Variants in SENP7 observed in about 807,000 individuals in gnomAD.
SENP7 encodes SUMO specific peptidase 7, also known as sentrin-specific protease 7.
A neutral mutation model predicts 141.2 loss-of-function variants in SENP7; 64 were observed. That is an observed-to-expected ratio of 0.45 (90% CI 0.37 to 0.56). The LOEUF (loss-of-function observed/expected upper bound fraction) is 0.56, where lower values mean the gene tolerates loss of function less well. Among genes scored for constraint, SENP7 ranks in the 20% least tolerant of loss-of-function variants. The pLI is 0.00. For missense variants in SENP7, 1,025 were observed against 1,212.2 expected, an observed-to-expected ratio of 0.85 and a Z score of 2.29; for synonymous variants, 382 against 426.4, an observed-to-expected ratio of 0.90 and a Z score of 1.28.
intron 3 of SENP7, among the ~76,000 whole-genome samples, chr3:101,461,018 G>A (rs2063527355): frequency 1.3e-5 from 2 of 151,482 alleles, no homozygotes; most frequent in African/African-American, 4.8e-5. Context: ...GTTTTTAATG[G>A]GCAAAGAATG....
At chr3:101,327,905 C>T in intron 22 of SENP7, 89 bp from the exon 23 acceptor site, 1 of 1,122,456 alleles carries the variant, frequency 8.9e-7, no homozygotes, top group South Asian at 1.7e-5. Context: ...ACATTTGTTG[C>T]CAGATGTGCT....
At chr3:101,480,374 T>G (rs2064418390) in intron 3 of SENP7, among the ~76,000 whole-genome samples, 2 of 152,150 alleles carry the variant, frequency 1.3e-5, no homozygotes, top group Non-Finnish European at 2.9e-5. Flanking sequence ...TCCACGTATT[T>G]AAAGTAAAAT....
chr3:101,341,908 T>C (rs2059336917), intron 14 of SENP7, 129 bp from the exon 15 acceptor site: 2 of 927,874 alleles, frequency 2.2e-6, no homozygotes, highest in Non-Finnish European at 3.0e-6. Context: ...ACTTTTAGAT[T>C]TTCCATAGAT....
intron 4 of SENP7, among the ~76,000 whole-genome samples, chr3:101,450,916 T>C (rs559129972): frequency 2.0e-5 from 3 of 152,072 alleles, no homozygotes. Flanking sequence ...AAAAAATAAA[T>C]GAATCCAGGA....
intron 3 of SENP7, among the ~76,000 whole-genome samples, chr3:101,477,594 T>C (rs1375765649): frequency 1.3e-5 from 2 of 152,196 alleles, no homozygotes; most frequent in African/African-American, 4.8e-5. Flanking sequence ...CTCATGCCTG[T>C]GATCCCAGCC....
intron 2 of SENP7, 97 bp from the exon 3 acceptor site, chr3:101,494,065 G>T: frequency 6.9e-6 from 4 of 580,366 alleles, no homozygotes; most frequent in Admixed American, 2.7e-5. Context: ...TCAATAATTT[G>T]CTAACTGTTT....
intron 4 of SENP7, among the ~76,000 whole-genome samples, chr3:101,446,857 A>G (rs2062916651): frequency 6.6e-6 from 1 of 152,190 alleles, no homozygotes; most frequent in Non-Finnish European, 1.5e-5. Flanking sequence ...TCAATGGACT[A>G]GAAAAGCAAG....
At chr3:101,438,854 G>C (rs1181255360) in intron 4 of SENP7, among the ~76,000 whole-genome samples, 1 of 151,970 alleles carries the variant, frequency 6.6e-6, no homozygotes, top group African/African-American at 2.4e-5. Flanking sequence ...GGAGGCAGCG[G>C]CTGGAGGAGC....
rs1559864755 is a variant in SENP7, at chr3:101,463,369, AT to A, written c.187-4318del. Among the ~76,000 whole-genome samples the A allele has an allele frequency of 3.8e-3, 310 of 80,546 alleles. 1 individual carries two copies. The highest frequency in any genetic ancestry group is 0.012 in the African/African-American group (237 of 19,424). The allele number at this position is 80,546 out of a possible 152,430, so 52.8% of individuals were successfully genotyped here. ...GTATCATAAATAAATAAATAAATATATATATATATATATATATATATATATA... is the reference window on the plus strand; with the variant it reads ...GTATCATAAATAAATAAATAAATATAATATATATATATATATATATATATA... On this transcript the variant is annotated intron_variant, in intron 3 of 23. Coordinates refer to ENST00000394095, the MANE Select transcript of SENP7 (RefSeq NM_020654.5).
chr3:101,399,720 G>A (rs913487416), intron 5 of SENP7, among the ~76,000 whole-genome samples: 2 of 152,178 alleles, frequency 1.3e-5, no homozygotes. Context: ...TCGATCTCCT[G>A]GCCCAAGTAA....
At chr3:101,369,059 T>C (rs2060113302) in intron 7 of SENP7, among the ~76,000 whole-genome samples, 1 of 152,202 alleles carries the variant, frequency 6.6e-6, no homozygotes, top group Non-Finnish European at 1.5e-5. Context: ...AGTACTTCCT[T>C]TTTTAAGTCA....
chr3:101,504,580 G>A (rs1422200908), intron 1 of SENP7, among the ~76,000 whole-genome samples: 1 of 151,930 alleles, frequency 6.6e-6, no homozygotes, highest in Non-Finnish European at 1.5e-5. Flanking sequence ...TAAGTGATAA[G>A]AAAGTATCCT....
chr3:101,362,832 G>A (rs999369367), intron 10 of SENP7, among the ~76,000 whole-genome samples: 1 of 152,118 alleles, frequency 6.6e-6, no homozygotes, highest in Admixed American at 6.5e-5. Context: ...TTCCACTCAA[G>A]TGACTATATA....
chr3:101,423,973 A>G (rs1201959115), intron 4 of SENP7, among the ~76,000 whole-genome samples: 1 of 152,122 alleles, frequency 6.6e-6, no homozygotes, highest in Non-Finnish European at 1.5e-5. Flanking sequence ...GGTGCGGGAG[A>G]GTCTGCAGCA....
At chr3:101,368,523 C>A (rs1438464885) in intron 7 of SENP7, among the ~76,000 whole-genome samples, 1 of 134,082 alleles carries the variant, frequency 7.5e-6, no homozygotes, top group South Asian at 2.3e-4. Flanking sequence ...GGGAACTGAA[C>A]AATGAGAACA....
At chr3:101,414,273 T>C (rs766198297) in intron 5 of SENP7, 4 of 693,218 alleles carry the variant, frequency 5.8e-6, no homozygotes, top group Non-Finnish European at 1.1e-5. Context: ...TGGTGAAGAG[T>C]CTGGAGAGAG....
intron 5 of SENP7, among the ~76,000 whole-genome samples, chr3:101,402,125 A>G (rs1413481254): frequency 6.6e-6 from 1 of 152,208 alleles, no homozygotes; most frequent in Non-Finnish European, 1.5e-5. Context: ...AGGTGGCTAC[A>G]CTAAACAACA....
intron 12 of SENP7, among the ~76,000 whole-genome samples, chr3:101,349,734 C>G (rs2059567054): frequency 6.6e-6 from 1 of 151,876 alleles, no homozygotes; most frequent in Admixed American, 6.6e-5. Context: ...GAATTTAACA[C>G]CATCATGAGA....
intron 5 of SENP7, among the ~76,000 whole-genome samples, chr3:101,407,473 G>A (rs868702192): frequency 7.9e-5 from 12 of 152,144 alleles, no homozygotes; most frequent in Non-Finnish European, 1.2e-4. Flanking sequence ...TCCAACAACC[G>A]CAGAATATAT....
Sources: allele counts gnomAD v4.1 joint callset (sites outside exome capture counted in the v4.1 genomes callset), GRCh38; gene constraint gnomAD v4.1.1; transcripts MANE v1.5; gene names NCBI Gene and HGNC (gene_info 2026-07-23, HGNC 2026-07-21).